Variants in AR observed in about 807,000 individuals in gnomAD.
AR encodes dihydrotestosterone receptor.
In AR, 8 loss-of-function variants were observed where a neutral mutation model predicts 53.9. That is an observed-to-expected ratio of 0.15 (90% CI 0.09 to 0.27). The LOEUF is 0.27. AR is among the 10% of genes least tolerant of loss of function. AR has a pLI of 1.00. For synonymous variants in AR, 359 were observed against 316.4 expected (o/e 1.13, Z -1.43); for missense variants, 639 against 742.5 (o/e 0.86, Z 1.62).
At chrX:67,681,399 T>C (rs1049240430) in intron 2 of AR, among the ~76,000 whole-genome samples, 8 of 111,867 alleles carry the variant, frequency 7.2e-5, no homozygotes, top group African/African-American at 2.6e-4. Flanking sequence ...ATATGCTTCC[T>C]AGACAAAGAG....
At chrX:67,641,765 T>TG (rs1326897309) in intron 1 of AR, among the ~76,000 whole-genome samples, 1 of 111,469 alleles carries the variant, frequency 9.0e-6, no homozygotes, top group Non-Finnish European at 1.9e-5. Flanking sequence ...ATTTGTGTCT[T>TG]GCTGGTAAAG....
At chrX:67,639,830 C>T (rs941262238) in intron 1 of AR, among the ~76,000 whole-genome samples, 1 of 111,285 alleles carries the variant, frequency 9.0e-6, no homozygotes, top group Non-Finnish European at 1.9e-5. Context: ...TTCCTGATTG[C>T]CCTGGCCAGA....
intron 1 of AR, among the ~76,000 whole-genome samples, chrX:67,552,359 T>A (rs1219915221): frequency 2.7e-5 from 3 of 112,554 alleles, no homozygotes; most frequent in African/African-American, 9.7e-5. Flanking sequence ...TACTTCACTA[T>A]TTTTTATAGC....
At chrX:67,586,248 T>G (rs1282585308) in intron 1 of AR, among the ~76,000 whole-genome samples, 1 of 111,605 alleles carries the variant, frequency 9.0e-6, no homozygotes, top group African/African-American at 3.3e-5. Flanking sequence ...CCTTCTACTT[T>G]TTTCTCCCTC....
At chrX:67,645,548 G>A (rs1206499357) in intron 2 of AR, among the ~76,000 whole-genome samples, 1 of 111,611 alleles carries the variant, frequency 9.0e-6, no homozygotes, top group Non-Finnish European at 1.9e-5. Context: ...TGTTAAGTTA[G>A]GGAAACTCTG....
intron 1 of AR, among the ~76,000 whole-genome samples, chrX:67,604,043 G>A (rs1338242236): frequency 9.0e-6 from 1 of 110,722 alleles, no homozygotes; most frequent in Non-Finnish European, 1.9e-5. Context: ...CTTGGCTCTA[G>A]ATCTCATACT....
intron 2 of AR, among the ~76,000 whole-genome samples, chrX:67,659,483 T>C (rs911241174): frequency 3.6e-5 from 4 of 111,115 alleles, no homozygotes; most frequent in Admixed American, 1.9e-4. Flanking sequence ...TTTTTTGTCC[T>C]TGTGATAGTT....
rs930759945 is a variant in AR, at chrX:67,726,960, G to A, written c.*3119G>A. On this transcript the variant is annotated 3_prime_UTR_variant, in exon 8 of 8. Transcript: ENST00000374690. The stretch of plus-strand genomic sequence containing the variant: ...TCCAAACAAGTTGGCAGTGCTCGAT[G>A]TGGACGAAGAGTGAGGAAGAGAAAA... 8 of 172,622 alleles carry A rather than the reference G, an allele frequency of 4.6e-5. No homozygotes were observed. The Admixed American group carries it at 5.5e-4, about 12-fold the overall frequency. The allele number at this position is 172,622 out of a possible 1,213,427, so 14.2% of individuals were successfully genotyped here.
At chrX:67,634,299 C>A (rs974258139) in intron 1 of AR, among the ~76,000 whole-genome samples, 2 of 111,452 alleles carry the variant, frequency 1.8e-5, no homozygotes, top group Non-Finnish European at 3.8e-5. Context: ...CCTTGTTCTT[C>A]CTCATCTCTC....
chrX:67,650,306 C>A (rs1461396354), intron 2 of AR, among the ~76,000 whole-genome samples: 1 of 112,181 alleles, frequency 8.9e-6, no homozygotes, highest in East Asian at 2.8e-4. Flanking sequence ...TGACTTCAAA[C>A]TATACTACAA....
chrX:67,710,434 C>T (rs748325583), intron 3 of AR, among the ~76,000 whole-genome samples: 1 of 111,322 alleles, frequency 9.0e-6, no homozygotes, highest in Non-Finnish European at 1.9e-5. Flanking sequence ...AATCCTTCCA[C>T]CTCTGCCTCC....
chrX:67,627,127 G>C (rs1190337091), intron 1 of AR, among the ~76,000 whole-genome samples: 1 of 110,435 alleles, frequency 9.1e-6, no homozygotes, highest in Non-Finnish European at 1.9e-5. Context: ...ATGATTTATA[G>C]TCCTTTGGGT....
chrX:67,690,497 T>C (rs1017128039), intron 3 of AR, among the ~76,000 whole-genome samples: 13 of 112,203 alleles, frequency 1.2e-4, no homozygotes, highest in African/African-American at 4.2e-4. Flanking sequence ...GTGATTTCGC[T>C]GCTGAATTAC....
At chrX:67,635,018 C>G (rs1185338308) in intron 1 of AR, among the ~76,000 whole-genome samples, 1 of 109,162 alleles carries the variant, frequency 9.2e-6, no homozygotes, top group East Asian at 2.9e-4. Context: ...CTCTCTCTCC[C>G]TCCCTCCCCA....
chrX:67,727,523 A>G lies in AR; in HGVS notation c.*3682A>G, dbSNP rs752867788. The G allele has an allele frequency of 5.8e-6, 1 of 172,416 alleles. No homozygotes were observed. The highest frequency in any genetic ancestry group is 1.1e-5 in the Non-Finnish European group (1 of 90,000). The allele number at this position is 172,416 out of a possible 1,213,427, so 14.2% of individuals were successfully genotyped here. ...CCACATGATGCACAAATGAGCTAAC[A>G]TTGAGCTTCAAGTAGCTTCTAAGTG... On this transcript the variant is annotated 3_prime_UTR_variant, in exon 8 of 8. Transcript: ENST00000374690.
chrX:67,546,493 G>C lies in AR; in HGVS notation c.1347G>C (p.Pro449=), dbSNP rs1322979882. ...CCGAAGAAGGCCAGTTGTATGGACC[G>C]TGTGGTGGTGGTGGGGGTGGTGGCG... The part of the protein sequence containing the change: ...FTAEEGQLYG[P]CGGGGGGGGG... The change falls in exon 1 of 8, where the codon CCG becomes CCC. Residue 449 remains proline (P), a synonymous_variant. Transcript: ENST00000374690. The C allele has an allele frequency of 6.3e-6, 7 of 1,109,855 alleles. No individual in the cohort carries two copies. In the South Asian group the frequency reaches 7.0e-5, roughly 11 times the overall value. 91.5% of individuals were successfully genotyped at this position (1,109,855 alleles called of 1,213,427 possible). A position where few individuals can be genotyped will look rare whatever the true frequency, so the allele number is the denominator to read the frequency against.
chrX:67,557,097 G>C (rs1330507182), intron 1 of AR, among the ~76,000 whole-genome samples: 1 of 109,495 alleles, frequency 9.1e-6, no homozygotes, highest in African/African-American at 3.3e-5. Context: ...TATATTATAC[G>C]TTTGTTTGTT....
chrX:67,719,128 G>A (rs767943358), intron 5 of AR, among the ~76,000 whole-genome samples: 2 of 111,457 alleles, frequency 1.8e-5, no homozygotes, highest in South Asian at 3.8e-4. Context: ...GAGAGTGAGC[G>A]TCCCCAGCTG....
chrX:67,562,390 G>A (rs947983670), intron 1 of AR, among the ~76,000 whole-genome samples: 1 of 108,530 alleles, frequency 9.2e-6, no homozygotes, highest in Non-Finnish European at 1.9e-5. Flanking sequence ...GTGTGTGTGT[G>A]TGTGTATGTG....
Sources: gnomAD v4.1 joint callset for allele counts (sites outside exome capture counted in the v4.1 genomes callset) on GRCh38, gnomAD v4.1.1 for gene constraint, MANE v1.5 for transcripts, NCBI Gene and HGNC (gene_info 2026-07-23, HGNC 2026-07-21) for gene names.